The following MAP3K4 variants were observed in gnomAD, a reference collection of about 807,000 sequenced individuals.
MAP3K4 encodes the protein MAP three kinase 1.
Under a neutral mutation model 185.6 loss-of-function variants are expected in MAP3K4, and 67 were observed. The ratio of observed to expected loss-of-function variants is 0.36; its 90% CI spans 0.30 to 0.44. The LOEUF (loss-of-function observed/expected upper bound fraction) is 0.44, where lower values mean the gene tolerates loss of function less well. MAP3K4 is among the 20% of genes least tolerant of loss of function. The probability of loss-of-function intolerance (pLI) is 1.00; values close to 1 mark genes in which losing one functional copy is unlikely to be tolerated. For synonymous variants in MAP3K4, 702 were observed against 710.4 expected, an observed-to-expected ratio of 0.99 and a Z score of 0.19; for missense variants, 1,551 against 1,995.1, an observed-to-expected ratio of 0.78 and a Z score of 4.24.
At chr6:161,105,005 C>T (rs1226481916) in intron 19 of MAP3K4, among the ~76,000 whole-genome samples, 1 of 152,108 alleles carries the variant, frequency 6.6e-6, no homozygotes, top group African/African-American at 2.4e-5. Context: ...AACATAGGCT[C>T]TTGGGTAGCT....
chr6:161,108,324 C>G lies in MAP3K4; in HGVS notation c.4119+355C>G, dbSNP rs751235166. Among the ~76,000 whole-genome samples the G allele has an allele frequency of 2.0e-5, 3 of 152,194 alleles. No individual in the cohort carries two copies. Among genetic ancestry groups the G allele is most frequent in the Non-Finnish European group, 2.9e-5 (2 of 68,038 alleles). On this transcript the variant is annotated intron_variant, in intron 21 of 26. Coordinates refer to ENST00000392142, the MANE Select transcript of MAP3K4 (RefSeq NM_005922.4). The surrounding 1 kb of genome is among the most constrained non-coding windows in gnomAD (Gnocchi z 5.7). Reference sequence around the variant, plus strand: ...TAACATTTATGATAAGCTTCAGAAACAAGTGGCATTGAAACCGCTGGAGGT... The same window carrying G: ...TAACATTTATGATAAGCTTCAGAAAGAAGTGGCATTGAAACCGCTGGAGGT...
At chr6:161,000,734 C>T (rs1781229606) in intron 1 of MAP3K4, among the ~76,000 whole-genome samples, 1 of 151,516 alleles carries the variant, frequency 6.6e-6, no homozygotes, top group African/African-American at 2.4e-5. Flanking sequence ...CACACATACA[C>T]ACACATATAT....
In MAP3K4 at chr6:161,048,128, T is replaced by TC; in HGVS notation, c.344-487dup. The TC allele has an allele frequency of 7.0e-6, 3 of 429,578 alleles. No homozygotes were observed. Among genetic ancestry groups the TC allele is most frequent in the South Asian group, 5.6e-5 (3 of 53,710 alleles). 26.6% of individuals were successfully genotyped at this position (429,578 alleles called of 1,614,324 possible). A position where few individuals can be genotyped will look rare whatever the true frequency, so the allele number is the denominator to read the frequency against. On this transcript the variant is annotated intron_variant, in intron 2 of 26. Coordinates refer to ENST00000392142, the MANE Select transcript of MAP3K4 (RefSeq NM_005922.4). This position sits in a 1 kb window ranked among gnomAD's most constrained non-coding sequence, Gnocchi z 4.7. ...TTAGGGTGCCTTAAGTATTCTTGCA[T>TC]CAATGTGCCTAATTTTATCAATGAG... is the stretch of plus-strand genomic sequence containing the variant.
Position 161,073,598 on chromosome 6 carries a change from C to T in MAP3K4, c.2083C>T (p.His695Tyr). The T allele has an allele frequency of 6.2e-7, 1 of 1,612,602 alleles. No homozygotes were observed. The highest frequency in any genetic ancestry group is 8.5e-7 in the Non-Finnish European group (1 of 1,179,564). ...CNIDAFEEDL[H>Y]KMLMVYFDYM... is the part of the protein sequence containing the mutation. ...CATTGACGCTTTTGAAGAGGATCTA[C>T]ATAAAATGCTTATGGTCAGAAGCAG... Residue 695 changes from histidine (H) to tyrosine (Y), a missense_variant, in exon 5 of 27, where the codon CAT becomes TAT. Physicochemically the swap from His to Tyr is moderately conservative, Grantham distance 83. Around this residue, in one of 16 missense-constraint regions of MAP3K4, gnomAD observed 130 missense variants for 171.3 expected, o/e 0.76. Transcript: ENST00000392142. The surrounding 1 kb of genome is among the most constrained non-coding windows in gnomAD (Gnocchi z 4.2).
In MAP3K4 at chr6:161,037,204, G is replaced by A. The variant is rs75083995; in HGVS notation, c.343+2755G>A. ...GGTTGTGGTGGTTAATAGTCTTTGA[G>A]AATTTATTTGTTCTCAGACTATTGC... is the stretch of plus-strand genomic sequence containing the variant. On this transcript the variant is annotated intron_variant, in intron 2 of 26. Transcript: ENST00000392142. The surrounding 1 kb of genome is among the most constrained non-coding windows in gnomAD (Gnocchi z 4.2). Among the ~76,000 whole-genome samples, 5,826 of 152,234 alleles carry A rather than the reference G, an allele frequency of 0.038. 147 individuals are homozygous for A. The highest frequency in any genetic ancestry group is 0.071 in the South Asian group (343 of 4,818).
chr6:161,048,581 T>C lies in MAP3K4; in HGVS notation c.344-35T>C. ...TTGAGAGTAGCTTCATATTTTAGAG[T>C]TATATAATGTTCTGTTTATTTTTTT... On this transcript the variant is annotated intron_variant, in intron 2 of 26. Coordinates refer to ENST00000392142, the MANE Select transcript of MAP3K4 (RefSeq NM_005922.4). The surrounding 1 kb of genome is among the most constrained non-coding windows in gnomAD (Gnocchi z 4.7). The C allele has an allele frequency of 3.0e-6, 4 of 1,352,354 alleles. No individual in the cohort carries two copies. The highest frequency in any genetic ancestry group is 4.0e-6 in the Non-Finnish European group (4 of 992,548). 83.8% of individuals were successfully genotyped at this position (1,352,354 alleles called of 1,614,324 possible).
At chr6:161,019,096 GAA>G (rs1782251845) in intron 1 of MAP3K4, among the ~76,000 whole-genome samples, 1 of 152,194 alleles carries the variant, frequency 6.6e-6, no homozygotes, top group African/African-American at 2.4e-5. Flanking sequence ...TAGGAGAAAA[GAA>G]AGAGGAGAAC....
chr6:161,015,353 TG>T (rs1782043442), intron 1 of MAP3K4, among the ~76,000 whole-genome samples: 1 of 152,066 alleles, frequency 6.6e-6, no homozygotes, highest in Admixed American at 6.6e-5. Context: ...TCATTGATGC[TG>T]GACTTACTAC....
At chr6:161,081,884 A>G (rs1048975756) in intron 6 of MAP3K4, among the ~76,000 whole-genome samples, 6 of 152,198 alleles carry the variant, frequency 3.9e-5, no homozygotes, top group African/African-American at 1.4e-4. Context: ...AGTCTCATTC[A>G]TAAGAGCATG....
Position 161,108,267 on chromosome 6 carries a change from A to G in MAP3K4, c.4119+298A>G, listed in dbSNP as rs1346867698. 6.6e-6 allele frequency among the ~76,000 whole-genome samples: 1 copy of G among 152,212 alleles called. No individual in the cohort carries two copies. The highest frequency in any genetic ancestry group is 1.5e-5 in the Non-Finnish European group (1 of 68,036). On this transcript the variant is annotated intron_variant, in intron 21 of 26. Transcript: ENST00000392142. The surrounding 1 kb of genome is among the most constrained non-coding windows in gnomAD (Gnocchi z 5.7). ...AGGCTTAGAGGAGAGGATTAACAGTAGTGTCTTATGGGGACACATTGGGGG... is the reference window on the plus strand; with the variant it reads ...AGGCTTAGAGGAGAGGATTAACAGTGGTGTCTTATGGGGACACATTGGGGG...
In MAP3K4 at chr6:161,091,670, C is replaced by A; in HGVS notation, c.3135+130C>A. The A allele has an allele frequency of 1.3e-6, 1 of 796,598 alleles. No individual in the cohort carries two copies. The highest frequency in any genetic ancestry group is 2.0e-6 in the Non-Finnish European group (1 of 499,122). 49.3% of individuals were successfully genotyped at this position (796,598 alleles called of 1,614,324 possible). A position where few individuals can be genotyped will look rare whatever the true frequency, so the allele number is the denominator to read the frequency against. On this transcript the variant is annotated intron_variant, in intron 12 of 26. Transcript: ENST00000392142. This position sits in a 1 kb window ranked among gnomAD's most constrained non-coding sequence, Gnocchi z 5.5. ...CTTAATCAAGAATATCATCTTATAT[C>A]ACTGCTGTATATCAGAGATGTTAGT... is the stretch of plus-strand genomic sequence containing the variant.
chr6:161,049,308 C>T lies in MAP3K4; in HGVS notation c.1036C>T (p.Arg346Cys), dbSNP rs763787914. The T allele has an allele frequency of 2.1e-5, 34 of 1,614,018 alleles. No homozygotes were observed. Among genetic ancestry groups the T allele is most frequent in the Middle Eastern group, 1.6e-4 (1 of 6,084 alleles). ...CTCAACACATCATGAGCATCTCCAA[C>T]GCCAGAGGGTCTCATTTGAGCAGGT... ...GYSTHHEHLQRQRVSFEQVKR... is the reference protein window; with the variant it reads ...GYSTHHEHLQCQRVSFEQVKR... The change falls in exon 3 of 27, where the codon CGC (arginine) becomes TGC (cysteine). Residue 346 changes from arginine (R) to cysteine (C), a missense_variant. Arg to Cys is a radical substitution (Grantham distance 180). Around this residue, in one of 16 missense-constraint regions of MAP3K4, gnomAD observed 93 missense variants for 96.7 expected, o/e 0.96. Coordinates refer to ENST00000392142, the MANE Select transcript of MAP3K4 (RefSeq NM_005922.4). This position sits in a 1 kb window ranked among gnomAD's most constrained non-coding sequence, Gnocchi z 8.4.
chr6:161,003,666 G>A (rs895302797), intron 1 of MAP3K4, among the ~76,000 whole-genome samples: 2 of 152,132 alleles, frequency 1.3e-5, no homozygotes, highest in East Asian at 1.9e-4. Flanking sequence ...AAGGTAGAAC[G>A]AAAACCTATC....
At position 161,034,495 on chromosome 6, in the gene MAP3K4, C is replaced by T. The variant is rs984492139; in HGVS notation, c.343+46C>T. 1.4e-6 allele frequency: 2 copies of T among 1,417,656 alleles called. No homozygotes were observed. Among genetic ancestry groups the T allele is most frequent in the African/African-American group, 2.9e-5 (2 of 69,722 alleles). 87.8% of individuals were successfully genotyped at this position (1,417,656 alleles called of 1,614,324 possible). ...GAGGTGTACATGAGAGGGTATGGCACTTGATTGATTCTTTCAACAATAAAG... is the reference window on the plus strand; with the variant it reads ...GAGGTGTACATGAGAGGGTATGGCATTTGATTGATTCTTTCAACAATAAAG... On this transcript the variant is annotated intron_variant, in intron 2 of 26. Coordinates refer to ENST00000392142, the MANE Select transcript of MAP3K4 (RefSeq NM_005922.4). This position sits in a 1 kb window ranked among gnomAD's most constrained non-coding sequence, Gnocchi z 4.4.
At chr6:161,015,741 G>A (rs1338418468) in intron 1 of MAP3K4, among the ~76,000 whole-genome samples, 2 of 152,056 alleles carry the variant, frequency 1.3e-5, no homozygotes, top group Non-Finnish European at 2.9e-5. Context: ...AGCTCCTAGG[G>A]TAGCGCTTGC....
rs776183918 is a variant in MAP3K4 at position 161,054,450 on chromosome 6, C to T, written c.1707+4471C>T. On this transcript the variant is annotated intron_variant, in intron 3 of 26. Coordinates refer to ENST00000392142, the MANE Select transcript of MAP3K4 (RefSeq NM_005922.4). The surrounding 1 kb of genome is among the most constrained non-coding windows in gnomAD (Gnocchi z 4.2). ...GATGATAGGTGTGAGCCACCGCGCCCGGCCCAAACTAATTTTTCTCTAAAA... is the reference window on the plus strand; with the variant it reads ...GATGATAGGTGTGAGCCACCGCGCCTGGCCCAAACTAATTTTTCTCTAAAA... 1.1e-4 allele frequency among the ~76,000 whole-genome samples: 17 copies of T among 152,214 alleles called. No homozygotes were observed. The South Asian group carries it at 1.5e-3, about 13-fold the overall frequency.
At chr6:161,044,706 G>A (rs1434847855) in intron 2 of MAP3K4, among the ~76,000 whole-genome samples, 1 of 152,186 alleles carries the variant, frequency 6.6e-6, no homozygotes, top group Non-Finnish European at 1.5e-5. Context: ...AGAAAGAGGT[G>A]TATTTGGCTC....
chr6:161,090,049 A>G (rs1304279140), intron 11 of MAP3K4, among the ~76,000 whole-genome samples: 3 of 152,200 alleles, frequency 2.0e-5, no homozygotes, highest in Non-Finnish European at 4.4e-5. Flanking sequence ...TTTCCAGGCC[A>G]TCAGTTATGT....
intron 1 of MAP3K4, among the ~76,000 whole-genome samples, chr6:161,014,312 T>C (rs1234657304): frequency 6.6e-6 from 1 of 152,268 alleles, no homozygotes; most frequent in African/African-American, 2.4e-5. Flanking sequence ...TTCCTGGGAA[T>C]GGTATTTGAA....
Sources: gnomAD v4.1 joint callset for allele counts (sites outside exome capture counted in the v4.1 genomes callset) on GRCh38, gnomAD v4.1.1 for gene constraint, gnomAD v4.1.1 regional missense constraint, Gnocchi (gnomAD v3.1) non-coding constraint, MANE v1.5 for transcripts, NCBI Gene and HGNC (gene_info 2026-07-23, HGNC 2026-07-21) for gene names.